Variants in DNAH10 observed in about 807,000 individuals in gnomAD.
DNAH10 encodes the protein dynein axonemal heavy chain 10.
A neutral mutation model predicts 506.6 loss-of-function variants in DNAH10; 348 were observed. The observed-to-expected ratio is 0.69, with a 90% CI of 0.63 to 0.75. DNAH10 has a LOEUF of 0.75. DNAH10 is among the 30% of genes least tolerant of loss of function. The pLI is 0.00. For missense variants in DNAH10, 5,179 were observed against 5,787.1 expected (o/e 0.89, Z 3.41); for synonymous variants, 2,059 against 2,198.6 (o/e 0.94, Z 1.78).
chr12:123,873,181 A>G (rs1423159414), intron 45 of DNAH10, among the ~76,000 whole-genome samples: 1 of 152,262 alleles, frequency 6.6e-6, no homozygotes, highest in Non-Finnish European at 1.5e-5. Context: ...AGCTCTATGA[A>G]GTAGTCCTAA....
chr12:123,764,688 C>CTCCAAAGGG (rs1352296722), intron 1 of DNAH10, among the ~76,000 whole-genome samples: 3 of 152,180 alleles, frequency 2.0e-5, no homozygotes, highest in Non-Finnish European at 2.9e-5. Context: ...TTCCTGGACC[C>CTCCAAAGGG]TCCAAAGGGA....
chr12:123,767,679 T>TA lies in DNAH10; in HGVS notation c.291dup (p.Val98SerfsTer4), dbSNP rs1304964650. 1 of 1,611,098 alleles carries TA rather than the reference T, an allele frequency of 6.2e-7. No homozygotes were observed. Among genetic ancestry groups the TA allele is most frequent in the Non-Finnish European group, 8.5e-7 (1 of 1,178,768 alleles). ...ATTCTCAAAAAGTGGAGTCCGTGGA[T>TA]AAAGTGCGAGGTGTGGAGTTGGGAG... On this transcript the variant is annotated frameshift_variant, in exon 2 of 79. Transcript: ENST00000673944. LOFTEE classifies it high-confidence loss of function.
chr12:123,934,629 G>A lies in DNAH10; in HGVS notation c.13486G>A (p.Val4496Ile). 6.2e-7 allele frequency: 1 copy of A among 1,613,580 alleles called. No individual in the cohort carries two copies. The highest frequency in any genetic ancestry group is 1.1e-5 in the South Asian group (1 of 90,898). ...VNERAGQGCF[V>I]SGLYLEGADW... ...CTGCCTTGTGTCCCTAGGATGCTTT[G>A]TCTCAGGACTGTACCTGGAAGGTGC... Residue 4496 changes from valine (V) to isoleucine (I), a missense_variant, in exon 78 of 79, where the codon GTC becomes ATC. By Grantham distance (29) the Val-to-Ile change is conservative. Around this residue, in one of 3 missense-constraint regions of DNAH10, gnomAD observed 4,844 missense variants for 5,430.5 expected, o/e 0.89. Coordinates refer to ENST00000673944, the MANE Select transcript of DNAH10 (RefSeq NM_001372106.1).
chr12:123,831,710 G>A (rs1960566973), intron 26 of DNAH10, among the ~76,000 whole-genome samples: 1 of 152,068 alleles, frequency 6.6e-6, no homozygotes, highest in Admixed American at 6.5e-5. Flanking sequence ...GGCTAACACG[G>A]TGAAACCCCG....
intron 15 of DNAH10, 119 bp downstream of exon 15, chr12:123,800,507 T>C: frequency 1.0e-6 from 1 of 1,000,410 alleles, no homozygotes; most frequent in Non-Finnish European, 1.4e-6. Flanking sequence ...TTTATAATTA[T>C]GAATTCTTAC....
At chr12:123,898,028 G>A (rs1264379704) in intron 55 of DNAH10, 61 bp downstream of exon 55, 23 of 1,435,678 alleles carry the variant, frequency 1.6e-5, no homozygotes, top group Non-Finnish European at 1.9e-5. Flanking sequence ...AAGGATTCGA[G>A]CGCTGATCTT....
In DNAH10 at chr12:123,790,058, CT is replaced by C; in HGVS notation, c.1754del (p.Phe585SerfsTer12). 1 of 1,614,188 alleles carries C rather than the reference CT, an allele frequency of 6.2e-7. No individual in the cohort carries two copies. Among genetic ancestry groups the C allele is most frequent in the Non-Finnish European group, 8.5e-7 (1 of 1,180,036 alleles). On this transcript the variant is annotated frameshift_variant, in exon 11 of 79. Transcript: ENST00000673944. LOFTEE classifies it high-confidence loss of function. ...CCATGGAAAACCTGACCTTTGACCCCTTCAGCATCAAGTCCTCCCAGTTCTG... is the reference window on the plus strand; with the variant it reads ...CCATGGAAAACCTGACCTTTGACCCCTCAGCATCAAGTCCTCCCAGTTCTG... ...TPMENLTFDP[F>X]SIKSSQFWKY...
intron 57 of DNAH10, among the ~76,000 whole-genome samples, chr12:123,906,831 C>T (rs920203665): frequency 2.0e-5 from 3 of 152,186 alleles, no homozygotes; most frequent in African/African-American, 2.4e-5. Context: ...CCTTAAAAAG[C>T]GCTTCCTTCT....
intron 28 of DNAH10, among the ~76,000 whole-genome samples, chr12:123,836,451 G>A (rs1489221941): frequency 6.6e-6 from 1 of 152,172 alleles, no homozygotes; most frequent in Non-Finnish European, 1.5e-5. Context: ...AAGATAGATT[G>A]TTAGAAAGCA....
chr12:123,789,471 C>G (rs1431436489), intron 10 of DNAH10, among the ~76,000 whole-genome samples: 11 of 151,952 alleles, frequency 7.2e-5, no homozygotes. Context: ...GCAACCTCTG[C>G]CTTCCGGGTT....
Position 123,772,818 on chromosome 12 carries a change from G to C in DNAH10, c.397-16G>C. 1.3e-6 allele frequency: 2 copies of C among 1,574,348 alleles called. No individual in the cohort carries two copies. The highest frequency in any genetic ancestry group is 1.7e-6 in the Non-Finnish European group (2 of 1,158,312). On this transcript the variant is annotated splice_polypyrimidine_tract_variant and intron_variant, in intron 3 of 78. Transcript: ENST00000673944. Reference sequence around the variant, plus strand: ...TGTATCACAAGAATGAATGGTTTTTGTTCCCCATGTTTCAGAGAACTGCGA... The same window carrying C: ...TGTATCACAAGAATGAATGGTTTTTCTTCCCCATGTTTCAGAGAACTGCGA...
chr12:123,795,617 T>A (rs1316398066), intron 12 of DNAH10, among the ~76,000 whole-genome samples: 2 of 152,226 alleles, frequency 1.3e-5, no homozygotes, highest in African/African-American at 4.8e-5. Flanking sequence ...GGATAATTTA[T>A]CTATTTTAAG....
intron 65 of DNAH10, among the ~76,000 whole-genome samples, chr12:123,921,192 A>G (rs1954705938): frequency 1.3e-5 from 2 of 152,200 alleles, no homozygotes; most frequent in African/African-American, 4.8e-5. Context: ...ATGCCAATAC[A>G]TGTAGTTCTT....
At chr12:123,792,529 G>C (rs550829211) in intron 11 of DNAH10, among the ~76,000 whole-genome samples, 26 of 145,460 alleles carry the variant, frequency 1.8e-4, no homozygotes, top group African/African-American at 5.7e-4. Flanking sequence ...GCGTGATCTT[G>C]GCTGACTGCA....
In DNAH10 at chr12:123,848,048, G is replaced by T; in HGVS notation, c.5902G>T (p.Gly1968Cys). ...CACCAAGGACCTGGCGAAAGCCTTG[G>T]GCTTGCTCTGTGTTGTCACCAACTG... ...ETTKDLAKALGLLCVVTNCGE... is the reference protein window; with the variant it reads ...ETTKDLAKALCLLCVVTNCGE... The change falls in exon 33 of 79, where the codon GGC becomes TGC. Residue 1968 changes from glycine (G) to cysteine (C), a missense_variant. Around this residue, in one of 3 missense-constraint regions of DNAH10, gnomAD observed 4,844 missense variants for 5,430.5 expected, o/e 0.89. Coordinates refer to ENST00000673944, the MANE Select transcript of DNAH10 (RefSeq NM_001372106.1). 1 of 1,613,910 alleles carries T rather than the reference G, an allele frequency of 6.2e-7. No individual in the cohort carries two copies. Among genetic ancestry groups the T allele is most frequent in the Non-Finnish European group, 8.5e-7 (1 of 1,179,862 alleles).
At chr12:123,889,226 A>C (rs192703874) in intron 52 of DNAH10, among the ~76,000 whole-genome samples, 1 of 152,286 alleles carries the variant, frequency 6.6e-6, no homozygotes, top group East Asian at 1.9e-4. Context: ...CTCCCCGCTA[A>C]ATGCTTCTGC....
chr12:123,826,144 T>C (rs1202657251), intron 24 of DNAH10, among the ~76,000 whole-genome samples: 1 of 151,898 alleles, frequency 6.6e-6, no homozygotes, highest in African/African-American at 2.4e-5. Context: ...AAATAATAAT[T>C]TTTACATTAA....
intron 30 of DNAH10, among the ~76,000 whole-genome samples, chr12:123,841,965 T>C (rs912953779): frequency 6.6e-6 from 1 of 152,164 alleles, no homozygotes; most frequent in African/African-American, 2.4e-5. Flanking sequence ...GGATTACAGG[T>C]GTGAGCCACT....
rs1218936164 is a variant in DNAH10 at position 123,910,422 on chromosome 12, A to C, written c.9998-114A>C. Reference sequence around the variant, plus strand: ...TGTTGGCCGTAGGAGAGCTTTGTGCATTCTGCTCACAGGGCCACTGAAGAA... The same window carrying C: ...TGTTGGCCGTAGGAGAGCTTTGTGCCTTCTGCTCACAGGGCCACTGAAGAA... On this transcript the variant is annotated intron_variant, in intron 58 of 78. Coordinates refer to ENST00000673944, the MANE Select transcript of DNAH10 (RefSeq NM_001372106.1). 6 of 1,360,642 alleles carry C rather than the reference A, an allele frequency of 4.4e-6. No individual in the cohort carries two copies. In the East Asian group the frequency reaches 6.9e-5, roughly 16 times the overall value. The allele number at this position is 1,360,642 out of a possible 1,614,324, so 84.3% of individuals were successfully genotyped here.
Sources: gnomAD v4.1 joint callset for allele counts (sites outside exome capture counted in the v4.1 genomes callset) on GRCh38, gnomAD v4.1.1 for gene constraint, gnomAD v4.1.1 regional missense constraint, MANE v1.5 for transcripts, NCBI Gene and HGNC (gene_info 2026-07-23, HGNC 2026-07-21) for gene names.